The following PPIL6 variants were observed in gnomAD, a reference collection of about 807,000 sequenced individuals.
PPIL6 encodes peptidylprolyl isomerase like 6.
Under a neutral mutation model 36.8 loss-of-function variants are expected in PPIL6, and 39 were observed. The ratio of observed to expected loss-of-function variants is 1.06; its 90% CI spans 0.82 to 1.38. The LOEUF (loss-of-function observed/expected upper bound fraction) is 1.38, where lower values mean the gene tolerates loss of function less well. PPIL6 is among the 40% of genes most tolerant of loss of function. The pLI, the probability that PPIL6 is intolerant of heterozygous loss-of-function variation, is 0.00. For missense variants in PPIL6, 368 were observed against 379.1 expected (o/e 0.97, Z 0.24); for synonymous variants, 123 against 134.1 (o/e 0.92, Z 0.57).
Position 109,419,989 on chromosome 6 carries a change from C to G in PPIL6, c.632-746G>C, listed in dbSNP as rs1341638467. ...CCAGTCTATCTTGTTTTTCTGAGAT[C>G]AAGATTAAACTAAGAGGCTAAAACA... is the stretch of plus-strand genomic sequence containing the variant. On this transcript the variant is annotated intron_variant, in intron 5 of 7. Transcript: ENST00000521072. Among the ~76,000 whole-genome samples the G allele has an allele frequency of 2.6e-5, 4 of 152,032 alleles. No individual in the cohort carries two copies. The East Asian group carries it at 7.7e-4, about 29-fold the overall frequency.
upstream of PPIL6, chr6:109,440,865 C>G (rs936687711): frequency 1.3e-5 from 7 of 531,502 alleles, no homozygotes; most frequent in East Asian, 3.5e-5. Flanking sequence ...CGGCCCTTAC[C>G]GAGCCTGGGC....
At chr6:109,427,767 G>T (rs949586443) in intron 3 of PPIL6, among the ~76,000 whole-genome samples, 1 of 152,156 alleles carries the variant, frequency 6.6e-6, no homozygotes, top group South Asian at 2.1e-4. Flanking sequence ...TGAAACACAT[G>T]GCCTAGATAT....
intron 6 of PPIL6, among the ~76,000 whole-genome samples, chr6:109,417,104 A>T (rs1236436976): frequency 6.6e-6 from 1 of 151,796 alleles, no homozygotes; most frequent in Non-Finnish European, 1.5e-5. Context: ...CAGGAGTTTA[A>T]GGTTACCATG....
intron 6 of PPIL6, among the ~76,000 whole-genome samples, chr6:109,401,135 C>T (rs1205369722): frequency 6.6e-6 from 1 of 151,746 alleles, no homozygotes; most frequent in African/African-American, 2.4e-5. Context: ...CTCGGCCTCC[C>T]AAACTGCTGG....
At chr6:109,441,104 C>A, upstream of PPIL6, 5 of 1,614,090 alleles carry the variant, frequency 3.1e-6, no homozygotes, top group Non-Finnish European at 4.2e-6. Flanking sequence ...CGCCTAGCGC[C>A]CCTGGAGCTC....
At position 109,431,272 on chromosome 6, in the gene PPIL6, G is replaced by C. The variant is rs1562272877; in HGVS notation, c.305C>G (p.Ala102Gly). 1.2e-6 allele frequency: 2 copies of C among 1,611,892 alleles called. No individual in the cohort carries two copies. ...SFVNGQFLGD[A>G]LDLQKWAHEV... is the part of the protein sequence containing the mutation. The stretch of plus-strand genomic sequence containing the variant: ...GTGGGCCCATTTCTGCAGATCCAAT[G>C]CATCACCCAGAAACTGACCATTAAC... Residue 102 changes from alanine to glycine, a missense_variant, in exon 3 of 8, where the codon GCA becomes GGA. Coordinates refer to ENST00000521072, the MANE Select transcript of PPIL6 (RefSeq NM_173672.5).
At chr6:109,439,859 G>T (rs1209501002) in intron 1 of PPIL6, among the ~76,000 whole-genome samples, 2 of 152,170 alleles carry the variant, frequency 1.3e-5, no homozygotes, top group African/African-American at 4.8e-5. Flanking sequence ...CAGCATGACT[G>T]ATCTGGCCAA....
chr6:109,440,426 C>A, intron 1 of PPIL6, 30 bp downstream of exon 1: 1 of 1,534,912 alleles, frequency 6.5e-7, no homozygotes, highest in Non-Finnish European at 8.8e-7. Context: ...CGGGGAGGGC[C>A]GCCCACGACG....
intron 5 of PPIL6, among the ~76,000 whole-genome samples, chr6:109,421,945 C>G (rs745926087): frequency 5.9e-5 from 9 of 152,116 alleles, no homozygotes; most frequent in African/African-American, 2.2e-4. Context: ...GGCATCATCT[C>G]GGCTCACTGC....
At chr6:109,426,252 C>G (rs1773807778) in intron 5 of PPIL6, among the ~76,000 whole-genome samples, 1 of 152,184 alleles carries the variant, frequency 6.6e-6, no homozygotes, top group African/African-American at 2.4e-5. Flanking sequence ...TCCTTTGACA[C>G]TAAGCCAATT....
Position 109,431,489 on chromosome 6 carries a change from G to A in PPIL6, c.232-144C>T, listed in dbSNP as rs964125132. 132 of 488,894 alleles carry A rather than the reference G, an allele frequency of 2.7e-4. 1 individual carries two copies. Among genetic ancestry groups the A allele is most frequent in the Middle Eastern group, 5.3e-4 (1 of 1,886 alleles). The allele number at this position is 488,894 out of a possible 1,614,324, so 30.3% of individuals were successfully genotyped here. On this transcript the variant is annotated intron_variant, in intron 2 of 7. Coordinates refer to ENST00000521072, the MANE Select transcript of PPIL6 (RefSeq NM_173672.5). ...AATCTTTTAAAAATAAGTTTTTATC[G>A]TCCTTCAGAATTTTGCTCTCAGAAA... is the stretch of plus-strand genomic sequence containing the variant.
intron 6 of PPIL6, among the ~76,000 whole-genome samples, chr6:109,411,160 A>G (rs999338784): frequency 7.2e-5 from 11 of 152,206 alleles, no homozygotes; most frequent in African/African-American, 2.4e-4. Flanking sequence ...GTCACTGTCT[A>G]TAACCGCATA....
Position 109,435,974 on chromosome 6 carries a change from T to C in PPIL6, c.231+130A>G, listed in dbSNP as rs1774423553. ...AATGATTAATACAATTTAGGAAAAG[T>C]ACGTAATGTAGAGAAATAAAATCTA... On this transcript the variant is annotated intron_variant, in intron 2 of 7. Coordinates refer to ENST00000521072, the MANE Select transcript of PPIL6 (RefSeq NM_173672.5). 4.2e-6 allele frequency: 3 copies of C among 720,970 alleles called. No individual in the cohort carries two copies. The Middle Eastern group carries it at 7.2e-4, about 172-fold the overall frequency. 44.7% of individuals were successfully genotyped at this position (720,970 alleles called of 1,614,324 possible). A position where few individuals can be genotyped will look rare whatever the true frequency, so the allele number is the denominator to read the frequency against.
intron 2 of PPIL6, among the ~76,000 whole-genome samples, chr6:109,433,135 C>T (rs1276331082): frequency 6.6e-6 from 1 of 151,682 alleles, no homozygotes; most frequent in Non-Finnish European, 1.5e-5. Context: ...CAGCTCACTG[C>T]AACTTCTGCC....
intron 5 of PPIL6, among the ~76,000 whole-genome samples, chr6:109,425,667 T>A: frequency 6.6e-6 from 1 of 151,528 alleles, no homozygotes. Flanking sequence ...GGAGAATTAC[T>A]TGAACCTGGG....
intron 6 of PPIL6, among the ~76,000 whole-genome samples, chr6:109,405,872 G>GT (rs1772777063): frequency 6.6e-6 from 1 of 152,102 alleles, no homozygotes; most frequent in African/African-American, 2.4e-5. Flanking sequence ...CTTTTGCAAG[G>GT]TATGTATGTT....
intron 5 of PPIL6, 40 bp downstream of exon 5, chr6:109,426,807 T>C (rs1159887680): frequency 6.6e-6 from 9 of 1,364,976 alleles, no homozygotes; most frequent in Non-Finnish European, 8.9e-6. Context: ...CCTTCTCATT[T>C]GATATTGCAA....
At chr6:109,399,325 T>C (rs1316773477) in intron 7 of PPIL6, among the ~76,000 whole-genome samples, 1 of 152,094 alleles carries the variant, frequency 6.6e-6, no homozygotes, top group Admixed American at 6.6e-5. Flanking sequence ...GCCAGGCTGG[T>C]CTGGAACTTC....
chr6:109,420,903 A>G (rs1235084268), intron 5 of PPIL6, among the ~76,000 whole-genome samples: 3 of 152,254 alleles, frequency 2.0e-5, no homozygotes, highest in Admixed American at 6.5e-5. Flanking sequence ...TTAATTGACA[A>G]GCCTTAAGTC....
Sources: gnomAD v4.1 joint callset for allele counts (sites outside exome capture counted in the v4.1 genomes callset) on GRCh38, gnomAD v4.1.1 for gene constraint, MANE v1.5 for transcripts, NCBI Gene and HGNC (gene_info 2026-07-23, HGNC 2026-07-21) for gene names.